Variants in PRCC observed in about 807,000 individuals in gnomAD.
The protein encoded by PRCC is proline rich mitotic checkpoint control factor.
A neutral mutation model predicts 44.0 loss-of-function variants in PRCC; 10 were observed. That is an observed-to-expected ratio of 0.23 (90% confidence interval 0.14 to 0.39). PRCC has a LOEUF of 0.39. Ranked by LOEUF, PRCC falls within the 10% of genes least tolerant of loss-of-function variation. PRCC has a pLI of 1.00. For synonymous variants in PRCC, 278 were observed against 259.5 expected, an observed-to-expected ratio of 1.07 and a Z score of -0.69; for missense variants, 573 against 624.7, an observed-to-expected ratio of 0.92 and a Z score of 0.88.
chr1:156,791,668 G>A (rs1318114857), intron 3 of PRCC, 29 bp from the exon 4 acceptor site: 1 of 1,593,632 alleles, frequency 6.3e-7, no homozygotes, highest in Non-Finnish European at 8.6e-7. Context: ...CCCTCAGTTG[G>A]TGTGTTTTTC....
intron 5 of PRCC, chr1:156,795,734 T>A (rs1416815426): frequency 2.0e-5 from 3 of 152,250 alleles, no homozygotes; most frequent in Non-Finnish European, 4.4e-5. Context: ...CCAGCTGTAG[T>A]CTTTCCAGTG....
At chr1:156,782,207 A>G in intron 1 of PRCC, 75 bp from the exon 2 acceptor site, 1 of 1,367,130 alleles carries the variant, frequency 7.3e-7, no homozygotes, top group African/African-American at 1.4e-5. Flanking sequence ...CCAACCCTTC[A>G]TATGTGCTAT....
rs1286326160 is a variant in PRCC, at chr1:156,768,253, G to A, written c.468+14G>A. 1 of 1,538,076 alleles carries A rather than the reference G, an allele frequency of 6.5e-7. No individual in the cohort carries two copies. Among genetic ancestry groups the A allele is most frequent in the East Asian group, 2.4e-5 (1 of 40,920 alleles). On this transcript the variant is annotated intron_variant, in intron 1 of 6. Coordinates refer to ENST00000271526, the MANE Select transcript of PRCC (RefSeq NM_005973.5). ...CATAAGGGAGATGTGAGTATCCGGG[G>A]AAGGCACCCCCAAACTGTCCATCGG...
In PRCC at chr1:156,794,756, A is replaced by C; in HGVS notation, c.1271A>C (p.Gln424Pro). 1.2e-6 allele frequency: 2 copies of C among 1,614,204 alleles called. No individual in the cohort carries two copies. Residue 424 changes from glutamine to proline, a missense_variant, in exon 5 of 7, where the codon CAA (glutamine) becomes CCA (proline). Around this residue, in one of 4 missense-constraint regions of PRCC, gnomAD observed 69 missense variants for 139.3 expected, o/e 0.50. Transcript: ENST00000271526. ...GATGACCAGCTCAGTGGGGCCCAGCAATGGATGACTAAGTCATTGACAGAA... is the reference window on the plus strand; with the variant it reads ...GATGACCAGCTCAGTGGGGCCCAGCCATGGATGACTAAGTCATTGACAGAA... ...KGDDQLSGAQQWMTKSLTEEK... is the reference protein window; with the variant it reads ...KGDDQLSGAQPWMTKSLTEEK...
Position 156,767,893 on chromosome 1 carries a change from C to T in PRCC, c.122C>T (p.Ser41Phe), listed in dbSNP as rs769533766. ...SGPALGGLFA[S>F]LPAPKGPALL... ...CCCGCTTTAGGGGGCTTGTTCGCTTCTCTCCCTGCGCCCAAGGGTCCGGCC... is the reference window on the plus strand; with the variant it reads ...CCCGCTTTAGGGGGCTTGTTCGCTTTTCTCCCTGCGCCCAAGGGTCCGGCC... Residue 41 changes from serine (S) to phenylalanine (F), a missense_variant, in exon 1 of 7, where the codon TCT becomes TTT. This residue lies in a region of PRCC where 245 missense variants were observed against 188.5 expected (regional missense o/e 1.30). Transcript: ENST00000271526. The T allele has an allele frequency of 4.4e-6, 7 of 1,604,410 alleles. No individual in the cohort carries two copies. In the African/African-American group the frequency reaches 5.3e-5, roughly 12 times the overall value.
intron 1 of PRCC, among the ~76,000 whole-genome samples, chr1:156,778,602 T>TA (rs1651913311): frequency 4.9e-5 from 7 of 143,066 alleles, no homozygotes; most frequent in Admixed American, 1.4e-4. Flanking sequence ...TTTTTTTTTG[T>TA]GGCAGGGTCT....
chr1:156,767,869 C>T lies in PRCC; in HGVS notation c.98C>T (p.Pro33Leu), dbSNP rs1336812587. ...EEEAVAPTSG[P>L]ALGGLFASLP... ...GAGGCGGTGGCTCCTACATCTGGGCCCGCTTTAGGGGGCTTGTTCGCTTCT... is the reference window on the plus strand; with the variant it reads ...GAGGCGGTGGCTCCTACATCTGGGCTCGCTTTAGGGGGCTTGTTCGCTTCT... The change falls in exon 1 of 7, where the codon CCC (proline) becomes CTC (leucine). Residue 33 changes from proline to leucine, a missense_variant. By Grantham distance (98) the Pro-to-Leu change is moderately conservative. This residue lies in a region of PRCC where 245 missense variants were observed against 188.5 expected (regional missense o/e 1.30). Coordinates refer to ENST00000271526, the MANE Select transcript of PRCC (RefSeq NM_005973.5). The T allele has an allele frequency of 3.1e-6, 5 of 1,607,716 alleles. No individual in the cohort carries two copies. Among genetic ancestry groups the T allele is most frequent in the Non-Finnish European group, 4.2e-6 (5 of 1,177,946 alleles).
chr1:156,787,485 ATATATATATATATC>A (rs1399028650), intron 3 of PRCC, among the ~76,000 whole-genome samples: 33 of 10,562 alleles, frequency 3.1e-3, no homozygotes, highest in African/African-American at 6.3e-3. Context: ...ATATATATAT[ATATATATATATATC>A]TGTTTTTTTT....
At chr1:156,794,533 A>G in intron 4 of PRCC, 132 bp from the exon 5 acceptor site, 1 of 1,086,374 alleles carries the variant, frequency 9.2e-7, no homozygotes, top group Non-Finnish European at 1.3e-6. Context: ...TGGCAGGGTG[A>G]AAGGACGTAG....
chr1:156,789,137 T>A (rs1652388242), intron 3 of PRCC, among the ~76,000 whole-genome samples: 1 of 151,966 alleles, frequency 6.6e-6, no homozygotes, highest in South Asian at 2.1e-4. Context: ...GCCTGGCTAA[T>A]TTTTGTATTT....
Position 156,767,604 on chromosome 1 carries a change from A to G in PRCC, c.-168A>G. 1 of 668,764 alleles carries G rather than the reference A, an allele frequency of 1.5e-6. No individual in the cohort carries two copies. The highest frequency in any genetic ancestry group is 2.0e-5 in the South Asian group (1 of 51,256). 41.4% of individuals were successfully genotyped at this position (668,764 alleles called of 1,614,324 possible). A position where few individuals can be genotyped will look rare whatever the true frequency, so the allele number is the denominator to read the frequency against. The stretch of plus-strand genomic sequence containing the variant: ...AAGAGGTACGCCTTGTTCGGTGGAA[A>G]TCAGCCGTAGCCATGAGTTTCTGCC... On this transcript the variant is annotated 5_prime_UTR_variant, in exon 1 of 7. Coordinates refer to ENST00000271526, the MANE Select transcript of PRCC (RefSeq NM_005973.5).
In PRCC at chr1:156,773,176, G is replaced by T. The variant is rs78558705; in HGVS notation, c.468+4937G>T. Among the ~76,000 whole-genome samples, 747 of 152,262 alleles carry T rather than the reference G, an allele frequency of 4.9e-3. 12 individuals carry two copies. Among genetic ancestry groups the T allele is most frequent in the African/African-American group, 0.017 (715 of 41,542 alleles). On this transcript the variant is annotated intron_variant, in intron 1 of 6. Coordinates refer to ENST00000271526, the MANE Select transcript of PRCC (RefSeq NM_005973.5). The stretch of plus-strand genomic sequence containing the variant: ...AGCCCCGGGGTGTGGTGCTTAGGGG[G>T]CGTCTGTTCTTGGGTTCTTATTTCC...
intron 3 of PRCC, among the ~76,000 whole-genome samples, chr1:156,789,277 G>A (rs1652394306): frequency 6.6e-6 from 1 of 152,132 alleles, no homozygotes; most frequent in Non-Finnish European, 1.5e-5. Flanking sequence ...GCCAACTTTT[G>A]GTTTTATTGC....
chr1:156,770,115 A>G (rs2102750578), intron 1 of PRCC, among the ~76,000 whole-genome samples: 1 of 152,356 alleles, frequency 6.6e-6, no homozygotes, highest in African/African-American at 2.4e-5. Context: ...AGCATTATAG[A>G]AAGTTGGGAG....
At chr1:156,800,075 T>C (rs1481145411) in intron 6 of PRCC, among the ~76,000 whole-genome samples, 1 of 152,228 alleles carries the variant, frequency 6.6e-6, no homozygotes, top group African/African-American at 2.4e-5. Context: ...TGCTAAATTC[T>C]AGTTTTCATT....
chr1:156,800,183 A>G (rs182433121), intron 6 of PRCC, among the ~76,000 whole-genome samples, 191 bp from the exon 7 acceptor site: 42 of 152,338 alleles, frequency 2.8e-4, no homozygotes, highest in Admixed American at 1.4e-3. Context: ...TAACTGTCCA[A>G]AGAAATGATT....
intron 1 of PRCC, among the ~76,000 whole-genome samples, chr1:156,772,384 C>T (rs767479459): frequency 1.3e-5 from 2 of 152,186 alleles, no homozygotes; most frequent in African/African-American, 2.4e-5. Context: ...TCCCTCCAGG[C>T]GTATTCCAAA....
chr1:156,790,930 C>A, intron 3 of PRCC: 1 of 478,332 alleles, frequency 2.1e-6, no homozygotes, highest in South Asian at 1.6e-5. Context: ...CTTAGAAGGG[C>A]ATTTCTTGGA....
In PRCC at chr1:156,767,641, T is replaced by C; in HGVS notation, c.-131T>C. On this transcript the variant is annotated 5_prime_UTR_variant, in exon 1 of 7. Transcript: ENST00000271526. The stretch of plus-strand genomic sequence containing the variant: ...CATGAGTTTCTGCCGGGGCTAGCCC[T>C]AGAGTACGGAGCAGGCGGACTTTTC... The C allele has an allele frequency of 1.1e-6, 1 of 875,512 alleles. No individual in the cohort carries two copies. The highest frequency in any genetic ancestry group is 2.9e-5 in the Admixed American group (1 of 34,228). The allele number at this position is 875,512 out of a possible 1,614,324, so 54.2% of individuals were successfully genotyped here. A position where few individuals can be genotyped will look rare whatever the true frequency, so the allele number is the denominator to read the frequency against.
Sources: allele counts gnomAD v4.1 joint callset (sites outside exome capture counted in the v4.1 genomes callset), GRCh38; gene constraint gnomAD v4.1.1; regional missense constraint gnomAD v4.1.1; transcripts MANE v1.5; gene names NCBI Gene and HGNC (gene_info 2026-07-23, HGNC 2026-07-21).